Variants in LINGO2 observed in about 807,000 individuals in gnomAD.
LINGO2 encodes the protein leucine-rich repeat and immunoglobulin-like domain-containing nogo receptor-interacting protein 2.
LINGO2 carries 14 observed loss-of-function variants against 30.6 expected under a neutral mutation model. The observed-to-expected ratio is 0.46, with a 90% CI of 0.30 to 0.72. The LOEUF (loss-of-function observed/expected upper bound fraction) is 0.72, where lower values mean the gene tolerates loss of function less well. Ranked by LOEUF, LINGO2 falls within the 30% of genes least tolerant of loss-of-function variation. The pLI is 0.07. For synonymous variants in LINGO2, 317 were observed against 288.5 expected (o/e 1.10, Z -1.00); for missense variants, 729 against 751.7 (o/e 0.97, Z 0.35).
intron 4 of LINGO2, among the ~76,000 whole-genome samples, chr9:28,196,465 T>C (rs549674947): frequency 6.6e-6 from 1 of 151,958 alleles, no homozygotes; most frequent in Admixed American, 6.5e-5. Context: ...CAGTACCCAT[T>C]AACAAGGTAA....
the LINGO2 span, among the ~76,000 whole-genome samples, chr9:28,744,664 T>A: frequency 6.9e-6 from 1 of 144,014 alleles, no homozygotes; most frequent in Non-Finnish European, 1.5e-5. Flanking sequence ...TGAGATGGAG[T>A]CTCTCACTGT....
At chr9:28,522,175 G>A (rs1407123599) in intron 1 of LINGO2, among the ~76,000 whole-genome samples, 1 of 152,204 alleles carries the variant, frequency 6.6e-6, no homozygotes. Flanking sequence ...AAGAAAGCTA[G>A]CAGTGGCAAG....
chr9:28,996,436 A>C, the LINGO2 span, among the ~76,000 whole-genome samples: 1 of 152,174 alleles, frequency 6.6e-6, no homozygotes, highest in Non-Finnish European at 1.5e-5. Flanking sequence ...CTAGGTGGGA[A>C]TATGGCACTC....
chr9:28,813,290 G>T, the LINGO2 span, among the ~76,000 whole-genome samples: 2 of 152,016 alleles, frequency 1.3e-5, no homozygotes, highest in African/African-American at 2.4e-5. Context: ...TACATGATAT[G>T]GTTTTCTCTA....
chr9:28,871,659 T>C, the LINGO2 span, among the ~76,000 whole-genome samples: 1 of 152,024 alleles, frequency 6.6e-6, no homozygotes, highest in Non-Finnish European at 1.5e-5. Context: ...CTGAGGTTTT[T>C]ATCTTTGCAG....
chr9:28,139,166 G>A (rs1394192173), intron 4 of LINGO2, among the ~76,000 whole-genome samples: 1 of 152,174 alleles, frequency 6.6e-6, no homozygotes, highest in Non-Finnish European at 1.5e-5. Context: ...GTGATGCAGG[G>A]TATGGACCTT....
At chr9:28,395,475 C>A (rs16912829) in intron 2 of LINGO2, among the ~76,000 whole-genome samples, 5,449 of 151,958 alleles carry the variant, frequency 0.036, 323 homozygotes, top group African/African-American at 0.12. Context: ...ATTTCAAAAC[C>A]ATTTCAACTA....
chr9:28,862,869 T>C, the LINGO2 span, among the ~76,000 whole-genome samples: 1 of 152,122 alleles, frequency 6.6e-6, no homozygotes, highest in Non-Finnish European at 1.5e-5. Context: ...GTTTGATTTA[T>C]GGTCAGGGAT....
At chr9:27,998,489 G>C (rs564071823) in intron 5 of LINGO2, among the ~76,000 whole-genome samples, 1 of 152,270 alleles carries the variant, frequency 6.6e-6, no homozygotes, top group Non-Finnish European at 1.5e-5. Context: ...AGATATATAA[G>C]AATTTGAGGC....
At chr9:28,223,232 G>T (rs1298584628) in intron 4 of LINGO2, among the ~76,000 whole-genome samples, 2 of 152,188 alleles carry the variant, frequency 1.3e-5, no homozygotes, top group East Asian at 1.9e-4. Flanking sequence ...TGGAGGCTGA[G>T]AAGTCCAAGA....
intron 1 of LINGO2, among the ~76,000 whole-genome samples, chr9:28,496,003 G>C (rs1195095947): frequency 6.6e-6 from 1 of 152,064 alleles, no homozygotes; most frequent in Non-Finnish European, 1.5e-5. Flanking sequence ...GTTCTAGTTT[G>C]ATTGCACTGT....
chr9:28,217,248 T>A (rs1820800260), intron 4 of LINGO2, among the ~76,000 whole-genome samples: 1 of 151,654 alleles, frequency 6.6e-6, no homozygotes, highest in Non-Finnish European at 1.5e-5. Context: ...TGGAATGAAC[T>A]TCTGAAATAA....
the LINGO2 span, among the ~76,000 whole-genome samples, chr9:28,695,348 T>C: frequency 1.3e-5 from 2 of 151,930 alleles, no homozygotes; most frequent in Non-Finnish European, 2.9e-5. Context: ...AATATCCAGT[T>C]TGGTCAAAGA....
the LINGO2 span, among the ~76,000 whole-genome samples, chr9:28,842,961 C>T: frequency 4.0e-5 from 6 of 151,794 alleles, no homozygotes; most frequent in Admixed American, 3.9e-4. Context: ...AATTAGAAGA[C>T]AGAAATTAAT....
At chr9:28,196,017 T>C (rs1387196084) in intron 4 of LINGO2, among the ~76,000 whole-genome samples, 3 of 151,558 alleles carry the variant, frequency 2.0e-5, no homozygotes, top group South Asian at 2.1e-4. Flanking sequence ...TAATCAACTA[T>C]ATTAATAAAT....
At chr9:28,135,899 T>A (rs940466820) in intron 4 of LINGO2, among the ~76,000 whole-genome samples, 1 of 152,218 alleles carries the variant, frequency 6.6e-6, no homozygotes, top group Non-Finnish European at 1.5e-5. Flanking sequence ...TTATTTATAT[T>A]GTTTACTGAG....
intron 4 of LINGO2, among the ~76,000 whole-genome samples, chr9:28,180,957 C>G (rs1446026400): frequency 6.6e-6 from 1 of 152,178 alleles, no homozygotes; most frequent in Non-Finnish European, 1.5e-5. Flanking sequence ...CTTCTATGTA[C>G]TTTCACAGAA....
At chr9:28,994,972 G>T in the LINGO2 span, among the ~76,000 whole-genome samples, 1 of 152,080 alleles carries the variant, frequency 6.6e-6, no homozygotes, top group Non-Finnish European at 1.5e-5. Flanking sequence ...AGGACTTCAT[G>T]TCTAAAACAC....
At chr9:29,037,554 T>C in the LINGO2 span, among the ~76,000 whole-genome samples, 2 of 151,998 alleles carry the variant, frequency 1.3e-5, no homozygotes, top group Admixed American at 1.3e-4. Flanking sequence ...CGTAATATCA[T>C]GCATTTCTAT....
Sources: allele counts gnomAD v4.1 joint callset (sites outside exome capture counted in the v4.1 genomes callset), GRCh38; gene constraint gnomAD v4.1.1; transcripts MANE v1.5; gene names NCBI Gene and HGNC (gene_info 2026-07-23, HGNC 2026-07-21).